Variants in CETN2 observed in about 807,000 individuals in gnomAD.
CETN2 encodes centrin 2, also known as centrin-2.
Under a neutral mutation model 12.6 loss-of-function variants are expected in CETN2, and 2 were observed. The ratio of observed to expected loss-of-function variants is 0.16; its 90% CI spans 0.07 to 0.50. CETN2 has a LOEUF of 0.50. Ranked by LOEUF, CETN2 falls within the 20% of genes least tolerant of loss-of-function variation. The pLI is 0.96. For missense variants in CETN2, 81 were observed against 128.3 expected, an observed-to-expected ratio of 0.63 and a Z score of 1.78; for synonymous variants, 41 against 43.4, an observed-to-expected ratio of 0.94 and a Z score of 0.22.
At chrX:152,827,987 G>T in intron 4 of CETN2, 57 bp from the exon 5 acceptor site, 1 of 976,649 alleles carries the variant, frequency 1.0e-6, no homozygotes, top group Non-Finnish European at 1.4e-6. Flanking sequence ...AGGTGACTAA[G>T]TAATAGACTT....
chrX:152,829,651 T>C lies in CETN2; in HGVS notation c.113A>G (p.Asp38Gly). The change falls in exon 2 of 5, where the codon GAT (aspartate) becomes GGT (glycine). Residue 38 changes from aspartate (D) to glycine (G), a missense_variant. Asp to Gly is a moderately conservative substitution (Grantham distance 94). Coordinates refer to ENST00000370277, the MANE Select transcript of CETN2 (RefSeq NM_004344.3). Reference protein sequence around the residue: ...EQKQEIREAFDLFDADGTGTI... With the variant: ...EQKQEIREAFGLFDADGTGTI... ...GCCAGTTCCATCCGCATCGAAAAGA[T>C]CAAAAGCTTCCCGGATCTCCTGCTT... 1 of 1,205,907 alleles carries C rather than the reference T, an allele frequency of 8.3e-7. No individual in the cohort carries two copies. The highest frequency in any genetic ancestry group is 1.1e-6 in the Non-Finnish European group (1 of 891,284).
At chrX:152,829,516 C>T (rs1932982248) in intron 2 of CETN2, 86 bp downstream of exon 2, 1 of 1,051,878 alleles carries the variant, frequency 9.5e-7, no homozygotes, top group Admixed American at 3.0e-5. Flanking sequence ...GAGAAGAGGG[C>T]AAAAGGGGTA....
At chrX:152,828,434 G>T in intron 4 of CETN2, 103 bp downstream of exon 4, 1 of 907,308 alleles carries the variant, frequency 1.1e-6, no homozygotes. Flanking sequence ...AAAGTACACT[G>T]GCTTTTCTTC....
chrX:152,827,706 G>A lies in CETN2; in HGVS notation c.*135C>T, dbSNP rs932899915. On this transcript the variant is annotated 3_prime_UTR_variant, in exon 5 of 5. Transcript: ENST00000370277. ...GAACACTTCCAAACGGCTAAAATAG[G>A]CTCAAGGTCACTATTAAAGTGATAA... 8.0e-6 allele frequency: 4 copies of A among 500,778 alleles called. No individual in the cohort carries two copies. The highest frequency in any genetic ancestry group is 1.4e-5 in the Non-Finnish European group (4 of 295,732). The allele number at this position is 500,778 out of a possible 1,213,427, so 41.3% of individuals were successfully genotyped here. A position where few individuals can be genotyped will look rare whatever the true frequency, so the allele number is the denominator to read the frequency against.
In CETN2 at chrX:152,827,777, T is replaced by C; in HGVS notation, c.*64A>G. 5 of 990,192 alleles carry C rather than the reference T, an allele frequency of 5.0e-6. No homozygotes were observed. The highest frequency in any genetic ancestry group is 7.1e-6 in the Non-Finnish European group (5 of 700,648). 81.6% of individuals were successfully genotyped at this position (990,192 alleles called of 1,213,427 possible). A position where few individuals can be genotyped will look rare whatever the true frequency, so the allele number is the denominator to read the frequency against. On this transcript the variant is annotated 3_prime_UTR_variant, in exon 5 of 5. Transcript: ENST00000370277. ...AGTTTGTGTTCTCAAAAGCCAGATT[T>C]CACACCATGGCAGGCACTAAATCTA...
In CETN2 at chrX:152,827,289, T is replaced by A. The variant is rs1602913329; in HGVS notation, c.*552A>T. The stretch of plus-strand genomic sequence containing the variant: ...CACAATAATTGAGAAGAGGAACTCA[T>A]AAGCAAAGCTAAAGAACTCATCCTT... On this transcript the variant is annotated 3_prime_UTR_variant, in exon 5 of 5. Transcript: ENST00000370277. The A allele has an allele frequency of 8.9e-6, 1 of 112,905 alleles. No individual in the cohort carries two copies. Among genetic ancestry groups the A allele is most frequent in the East Asian group, 2.8e-4 (1 of 3,603 alleles). 9.3% of individuals were successfully genotyped at this position (112,905 alleles called of 1,213,427 possible).
At position 152,827,512 on chromosome X, in the gene CETN2, G is replaced by T; in HGVS notation, c.*329C>A. The T allele has an allele frequency of 5.6e-6, 1 of 180,085 alleles. No individual in the cohort carries two copies. The highest frequency in any genetic ancestry group is 1.0e-5 in the Non-Finnish European group (1 of 95,339). The allele number at this position is 180,085 out of a possible 1,213,427, so 14.8% of individuals were successfully genotyped here. On this transcript the variant is annotated 3_prime_UTR_variant, in exon 5 of 5. Coordinates refer to ENST00000370277, the MANE Select transcript of CETN2 (RefSeq NM_004344.3). ...GTGTAACATGTGCTTGTCTAAAGTC[G>T]TTCTGTGTTTGTGGATATGTGGAAA...
At chrX:152,828,804 C>A in intron 3 of CETN2, 130 bp from the exon 4 acceptor site, 1 of 674,399 alleles carries the variant, frequency 1.5e-6, no homozygotes, top group Non-Finnish European at 2.2e-6. Context: ...TCTAGACTTG[C>A]GGCAAGTGTC....
intron 1 of CETN2, among the ~76,000 whole-genome samples, chrX:152,830,208 T>C (rs1556843162): frequency 8.8e-6 from 1 of 113,445 alleles, no homozygotes; most frequent in Non-Finnish European, 1.9e-5. Context: ...GTTGTTAAGA[T>C]GTATATTGTG....
chrX:152,827,440 CAAAT>C lies in CETN2; in HGVS notation c.*397_*400del, dbSNP rs1932963603. 7.9e-6 allele frequency: 1 copy of C among 126,344 alleles called. No homozygotes were observed. Among genetic ancestry groups the C allele is most frequent in the African/African-American group, 3.2e-5 (1 of 31,565 alleles). 10.4% of individuals were successfully genotyped at this position (126,344 alleles called of 1,213,427 possible). ...AAAAGAGAAAACTAAACTCAAGTGT[CAAAT>C]AAAAACTGGAGCCGTCAAGAATGAC... On this transcript the variant is annotated 3_prime_UTR_variant, in exon 5 of 5. Transcript: ENST00000370277.
Position 152,827,788 on chromosome X carries a change from C to T in CETN2, c.*53G>A. On this transcript the variant is annotated 3_prime_UTR_variant, in exon 5 of 5. Coordinates refer to ENST00000370277, the MANE Select transcript of CETN2 (RefSeq NM_004344.3). ...TCAAAAGCCAGATTTCACACCATGG[C>T]AGGCACTAAATCTAGTTACATGTGC... 9.7e-7 allele frequency: 1 copy of T among 1,027,084 alleles called. No homozygotes were observed. Among genetic ancestry groups the T allele is most frequent in the South Asian group, 1.9e-5 (1 of 51,288 alleles). 84.6% of individuals were successfully genotyped at this position (1,027,084 alleles called of 1,213,427 possible).
Position 152,828,804 on chromosome X carries a change from C to T in CETN2, c.292-130G>A, listed in dbSNP as rs1932974540. 3.7e-5 allele frequency: 25 copies of T among 672,584 alleles called. No individual in the cohort carries two copies. The East Asian group carries it at 5.4e-4, about 15-fold the overall frequency. The allele number at this position is 672,584 out of a possible 1,213,427, so 55.4% of individuals were successfully genotyped here. A position where few individuals can be genotyped will look rare whatever the true frequency, so the allele number is the denominator to read the frequency against. On this transcript the variant is annotated intron_variant, in intron 3 of 4. Coordinates refer to ENST00000370277, the MANE Select transcript of CETN2 (RefSeq NM_004344.3). ...ACAATGTAACTCGAGTCTAGACTTG[C>T]GGCAAGTGTCAGGAAGCCCATTTTG...
intron 3 of CETN2, 29 bp downstream of exon 3, chrX:152,829,120 A>G: frequency 8.3e-7 from 1 of 1,205,039 alleles, no homozygotes; most frequent in African/African-American, 1.7e-5. Flanking sequence ...CTGGGGCTCC[A>G]TACCATGATA....
chrX:152,828,633 C>G lies in CETN2; in HGVS notation c.333G>C (p.Lys111Asn), dbSNP rs782086390. 8.3e-7 allele frequency: 1 copy of G among 1,209,190 alleles called. No individual in the cohort carries two copies. Among genetic ancestry groups the G allele is most frequent in the East Asian group, 3.0e-5 (1 of 33,845 alleles). Residue 111 changes from lysine to asparagine, a missense_variant, in exon 4 of 5, where the codon AAG (lysine) becomes AAC (asparagine). Transcript: ENST00000370277. ...DTKEEILKAF[K>N]LFDDDETGKI... ...TCCCAGTTTCATCATCATCAAAGAG[C>G]TTGAAAGCTTTCAGGATTTCTTCTT...
rs1273882612 is a variant in CETN2, at chrX:152,827,511, C to T, written c.*330G>A. The T allele has an allele frequency of 1.1e-5, 2 of 177,541 alleles. No homozygotes were observed. Among genetic ancestry groups the T allele is most frequent in the African/African-American group, 2.9e-5 (1 of 34,008 alleles). The allele number at this position is 177,541 out of a possible 1,213,427, so 14.6% of individuals were successfully genotyped here. ...GGTGTAACATGTGCTTGTCTAAAGTCGTTCTGTGTTTGTGGATATGTGGAA... is the reference window on the plus strand; with the variant it reads ...GGTGTAACATGTGCTTGTCTAAAGTTGTTCTGTGTTTGTGGATATGTGGAA... On this transcript the variant is annotated 3_prime_UTR_variant, in exon 5 of 5. Transcript: ENST00000370277.
intron 3 of CETN2, 87 bp from the exon 4 acceptor site, chrX:152,828,761 G>A (rs1932974161): frequency 1.1e-6 from 1 of 907,665 alleles, no homozygotes; most frequent in Non-Finnish European, 1.5e-6. Context: ...GCCTGGTCAG[G>A]TCACCCTTTC....
Position 152,829,523 on chromosome X carries a change from G to T in CETN2, c.162+79C>A, listed in dbSNP as rs138337063. On this transcript the variant is annotated intron_variant, in intron 2 of 4. Coordinates refer to ENST00000370277, the MANE Select transcript of CETN2 (RefSeq NM_004344.3). ...ACTGCAGGGAGAAGAGGGCAAAAGG[G>T]GTAGAGAGGTGATAGGGAGATGACA... is the stretch of plus-strand genomic sequence containing the variant. 1.8e-3 allele frequency: 1,905 copies of T among 1,063,747 alleles called. 19 individuals carry two copies. The African/African-American group carries it at 0.032, about 18-fold the overall frequency. The allele number at this position is 1,063,747 out of a possible 1,213,427, so 87.7% of individuals were successfully genotyped here. A position where few individuals can be genotyped will look rare whatever the true frequency, so the allele number is the denominator to read the frequency against.
intron 3 of CETN2, 87 bp downstream of exon 3, chrX:152,829,062 G>A: frequency 9.2e-7 from 1 of 1,089,966 alleles, no homozygotes; most frequent in Non-Finnish European, 1.2e-6. Flanking sequence ...CTGCTCTGTG[G>A]TCACATGACT....
Position 152,827,818 on chromosome X carries a change from A to G in CETN2, c.*23T>C, listed in dbSNP as rs375854956. On this transcript the variant is annotated 3_prime_UTR_variant, in exon 5 of 5. Coordinates refer to ENST00000370277, the MANE Select transcript of CETN2 (RefSeq NM_004344.3). ...ACTAAATCTAGTTACATGTGCTTGCAGTAGAAAAAGAAGACACTGATCTTA... is the reference window on the plus strand; with the variant it reads ...ACTAAATCTAGTTACATGTGCTTGCGGTAGAAAAAGAAGACACTGATCTTA... 1 of 1,162,290 alleles carries G rather than the reference A, an allele frequency of 8.6e-7. No individual in the cohort carries two copies. Among genetic ancestry groups the G allele is most frequent in the Non-Finnish European group, 1.2e-6 (1 of 853,414 alleles).
Sources: gnomAD v4.1 joint callset for allele counts (sites outside exome capture counted in the v4.1 genomes callset) on GRCh38, gnomAD v4.1.1 for gene constraint, MANE v1.5 for transcripts, NCBI Gene and HGNC (gene_info 2026-07-23, HGNC 2026-07-21) for gene names.